Variants in CNTNAP2 observed in about 807,000 individuals in gnomAD.
CNTNAP2 encodes contactin-associated protein-like 2.
CNTNAP2 carries 98 observed loss-of-function variants against 155.2 expected under a neutral mutation model. That is an observed-to-expected ratio of 0.63 (90% CI 0.54 to 0.75). The LOEUF is 0.75. Among genes scored for constraint, CNTNAP2 ranks in the 30% least tolerant of loss-of-function variants. The probability of loss-of-function intolerance (pLI) is 0.00; values close to 1 mark genes in which losing one functional copy is unlikely to be tolerated. For synonymous variants in CNTNAP2, 651 were observed against 631.2 expected (o/e 1.03, Z -0.47); for missense variants, 1,727 against 1,688.1 (o/e 1.02, Z -0.40).
At chr7:147,713,317 T>TTG (rs1311886363) in intron 13 of CNTNAP2, among the ~76,000 whole-genome samples, 1 of 152,136 alleles carries the variant, frequency 6.6e-6, no homozygotes, top group African/African-American at 2.4e-5. Flanking sequence ...CCTTGTGACT[T>TTG]TGTAGTCAAA....
At chr7:146,121,544 G>A (rs1396248365) in intron 1 of CNTNAP2, among the ~76,000 whole-genome samples, 2 of 152,064 alleles carry the variant, frequency 1.3e-5, no homozygotes, top group Non-Finnish European at 2.9e-5. Context: ...AATAAAACAT[G>A]TACTTTAAAG....
intron 13 of CNTNAP2, among the ~76,000 whole-genome samples, chr7:147,788,859 C>T (rs181627267): frequency 7.9e-5 from 12 of 151,550 alleles, no homozygotes; most frequent in Admixed American, 2.6e-4. Context: ...CATGGAGACC[C>T]TCATGAATCA....
chr7:146,781,227 CA>C (rs375760321), intron 2 of CNTNAP2, among the ~76,000 whole-genome samples: 40 of 87,494 alleles, frequency 4.6e-4, no homozygotes, highest in African/African-American at 6.3e-4. Context: ...GACTCCATCT[CA>C]AAAAAAAAAA....
Position 146,763,676 on chromosome 7 carries a change from T to C in CNTNAP2, c.98-10595T>C, listed in dbSNP as rs150494449. On this transcript the variant is annotated intron_variant, in intron 1 of 23. Coordinates refer to ENST00000361727, the MANE Select transcript of CNTNAP2 (RefSeq NM_014141.6). ...AGAAGAAAATGAAAGTCAACAATTA[T>C]CTAGCAATCAGTACAGTACCATGAT... Among the ~76,000 whole-genome samples the C allele has an allele frequency of 7.8e-3, 1,186 of 152,314 alleles. 16 individuals are homozygous for C. The highest frequency in any genetic ancestry group is 0.025 in the African/African-American group (1,047 of 41,576).
chr7:147,709,314 A>G (rs1796368101), intron 13 of CNTNAP2, among the ~76,000 whole-genome samples: 1 of 152,146 alleles, frequency 6.6e-6, no homozygotes, highest in Non-Finnish European at 1.5e-5. Context: ...CCTATGCCCA[A>G]TCCCGCATCT....
chr7:148,149,733 G>A (rs1585152664), intron 17 of CNTNAP2, among the ~76,000 whole-genome samples: 1 of 151,944 alleles, frequency 6.6e-6, no homozygotes, highest in Non-Finnish European at 1.5e-5. Flanking sequence ...TGTATTTTTA[G>A]TAGAGAAGGG....
chr7:147,725,289 A>G (rs548923502), intron 13 of CNTNAP2, among the ~76,000 whole-genome samples: 41 of 152,244 alleles, frequency 2.7e-4, no homozygotes, highest in Middle Eastern at 6.8e-3. Flanking sequence ...AATTGCACTA[A>G]AATTCAAGCC....
At chr7:148,307,952 G>A (rs1042684313) in intron 21 of CNTNAP2, among the ~76,000 whole-genome samples, 3 of 152,146 alleles carry the variant, frequency 2.0e-5, no homozygotes, top group African/African-American at 4.8e-5. Flanking sequence ...TAACCTGTTT[G>A]ACAGAGTGAG....
chr7:147,698,092 T>G (rs1402286098), intron 13 of CNTNAP2, among the ~76,000 whole-genome samples: 1 of 152,168 alleles, frequency 6.6e-6, no homozygotes, highest in Non-Finnish European at 1.5e-5. Flanking sequence ...AAGTTGTAAT[T>G]TTCCGTGTCC....
chr7:146,563,274 T>C (rs912638099), intron 1 of CNTNAP2, among the ~76,000 whole-genome samples: 18 of 151,484 alleles, frequency 1.2e-4, no homozygotes, highest in African/African-American at 4.4e-4. Context: ...GAAGGTCTCA[T>C]TTTTTTTTCT....
intron 1 of CNTNAP2, among the ~76,000 whole-genome samples, chr7:146,190,726 G>A (rs1295060394): frequency 1.3e-5 from 2 of 152,206 alleles, no homozygotes; most frequent in East Asian, 3.9e-4. Context: ...AGGTATACAT[G>A]AATACCAAAG....
chr7:146,480,935 C>T lies in CNTNAP2; in HGVS notation c.98-293336C>T, dbSNP rs190086537. Reference sequence around the variant, plus strand: ...GACCTCGTGATCCGCCCGCCTCGGCCTCCCAAAGTGCTGGTACCACAGGCA... The same window carrying T: ...GACCTCGTGATCCGCCCGCCTCGGCTTCCCAAAGTGCTGGTACCACAGGCA... On this transcript the variant is annotated intron_variant, in intron 1 of 23. Coordinates refer to ENST00000361727, the MANE Select transcript of CNTNAP2 (RefSeq NM_014141.6). Among the ~76,000 whole-genome samples, 271 of 152,098 alleles carry T rather than the reference C, an allele frequency of 1.8e-3. 1 individual carries two copies. Among genetic ancestry groups the T allele is most frequent in the African/African-American group, 5.8e-3 (240 of 41,482 alleles).
intron 1 of CNTNAP2, among the ~76,000 whole-genome samples, chr7:146,582,905 T>C (rs1157562475): frequency 6.7e-6 from 1 of 148,634 alleles, no homozygotes; most frequent in Non-Finnish European, 1.5e-5. Context: ...ATATTTATGA[T>C]ATTAAGTATA....
intron 1 of CNTNAP2, among the ~76,000 whole-genome samples, chr7:146,231,015 A>AAAGT (rs1799373846): frequency 1.2e-5 from 1 of 80,656 alleles, no homozygotes; most frequent in South Asian, 5.5e-4. Context: ...ACTTTGTCTC[A>AAAGT]AAATAAATAA....
chr7:146,749,673 G>A (rs1350204732), intron 1 of CNTNAP2, among the ~76,000 whole-genome samples: 2 of 152,110 alleles, frequency 1.3e-5, no homozygotes. Context: ...AACCCTGAAT[G>A]AGTGAAGCTA....
chr7:147,646,877 C>G (rs1483448586), intron 13 of CNTNAP2, among the ~76,000 whole-genome samples: 1 of 151,908 alleles, frequency 6.6e-6, no homozygotes, highest in Non-Finnish European at 1.5e-5. Flanking sequence ...GTAATGCCTT[C>G]TTAAGATGAC....
chr7:147,348,085 A>G (rs1188789479), intron 9 of CNTNAP2, among the ~76,000 whole-genome samples: 1 of 152,136 alleles, frequency 6.6e-6, no homozygotes, highest in Admixed American at 6.5e-5. Context: ...AAGAAGACAT[A>G]GCGGAAATGC....
chr7:146,650,815 T>A (rs1470840022), intron 1 of CNTNAP2, among the ~76,000 whole-genome samples: 1 of 152,084 alleles, frequency 6.6e-6, no homozygotes, highest in Non-Finnish European at 1.5e-5. Context: ...ATATACAGAA[T>A]TGTAGCTTTA....
intron 2 of CNTNAP2, among the ~76,000 whole-genome samples, chr7:146,788,741 A>G (rs1802622292): frequency 6.6e-6 from 1 of 152,176 alleles, no homozygotes. Context: ...GTCCTTTGGT[A>G]GTGACTTAAG....
Sources: gnomAD v4.1 joint callset for allele counts (sites outside exome capture counted in the v4.1 genomes callset) on GRCh38, gnomAD v4.1.1 for gene constraint, MANE v1.5 for transcripts, NCBI Gene and HGNC (gene_info 2026-07-23, HGNC 2026-07-21) for gene names.